The following ZNF385D variants were observed in gnomAD, a reference collection of about 807,000 sequenced individuals.
The protein encoded by ZNF385D is zinc finger protein 385D.
A neutral mutation model predicts 35.8 loss-of-function variants in ZNF385D; 15 were observed. The observed-to-expected ratio is 0.42, with a 90% CI of 0.28 to 0.64. ZNF385D has a LOEUF of 0.64. ZNF385D is among the 30% of genes least tolerant of loss of function. The pLI, the probability that ZNF385D is intolerant of heterozygous loss-of-function variation, is 0.23. For synonymous variants in ZNF385D, 212 were observed against 186.8 expected (o/e 1.13, Z -1.10); for missense variants, 474 against 494.6 (o/e 0.96, Z 0.39).
intron 1 of ZNF385D, among the ~76,000 whole-genome samples, chr3:21,678,219 G>A (rs1382082139): frequency 1.3e-5 from 2 of 152,124 alleles, no homozygotes; most frequent in African/African-American, 4.8e-5. Flanking sequence ...TTAGAATCCA[G>A]TGAGAGGACT....
At chr3:21,916,937 C>T (rs951210146) in intron 3 of ZNF385D, among the ~76,000 whole-genome samples, 11 of 152,138 alleles carry the variant, frequency 7.2e-5, no homozygotes, top group Non-Finnish European at 1.3e-4. Context: ...TGTCGATTAG[C>T]GTTAGCTCCC....
chr3:22,183,753 T>C (rs1695442409), intron 2 of ZNF385D, among the ~76,000 whole-genome samples: 1 of 152,164 alleles, frequency 6.6e-6, no homozygotes. Flanking sequence ...CCCTTTTGAA[T>C]GTTTCTTTAT....
chr3:22,100,399 C>G (rs1344575031), intron 3 of ZNF385D, among the ~76,000 whole-genome samples: 1 of 148,324 alleles, frequency 6.7e-6, no homozygotes, highest in Non-Finnish European at 1.5e-5. Flanking sequence ...TTTATTGCGG[C>G]AGTATTCACA....
intron 2 of ZNF385D, among the ~76,000 whole-genome samples, chr3:22,324,592 C>T (rs1374742679): frequency 6.6e-6 from 1 of 152,048 alleles, no homozygotes; most frequent in African/African-American, 2.4e-5. Flanking sequence ...TTTCAGCATG[C>T]TAAAGATTTC....
At chr3:22,346,128 C>T (rs1438564312) in intron 2 of ZNF385D, among the ~76,000 whole-genome samples, 4 of 152,176 alleles carry the variant, frequency 2.6e-5, no homozygotes, top group Admixed American at 1.3e-4. Context: ...CACTCCCTGA[C>T]ATACATGAAT....
chr3:22,319,902 T>C lies in ZNF385D; in HGVS notation c.106+52548A>G, dbSNP rs151296433. 3.1e-3 allele frequency among the ~76,000 whole-genome samples: 469 copies of C among 152,296 alleles called. 4 individuals are homozygous for C. Among genetic ancestry groups the C allele is most frequent in the African/African-American group, 0.011 (447 of 41,570 alleles). On this transcript the variant is annotated intron_variant, in intron 2 of 5. Coordinates refer to the ZNF385D transcript ENST00000494108. ...TTATGCATTTTCCTTTAAGTGTACCTGTTGCTATGTCCCATAGGTTTTTAT... is the reference window on the plus strand; with the variant it reads ...TTATGCATTTTCCTTTAAGTGTACCCGTTGCTATGTCCCATAGGTTTTTAT...
At chr3:21,993,639 T>C (rs1695284319) in intron 3 of ZNF385D, among the ~76,000 whole-genome samples, 1 of 152,182 alleles carries the variant, frequency 6.6e-6, no homozygotes, top group Non-Finnish European at 1.5e-5. Flanking sequence ...TCTAGTGGAA[T>C]TACTTTTTTC....
chr3:21,606,408 G>A (rs1310563527), intron 2 of ZNF385D, among the ~76,000 whole-genome samples: 1 of 152,030 alleles, frequency 6.6e-6, no homozygotes, highest in East Asian at 1.9e-4. Context: ...TCTTATTAGT[G>A]CCCTGACTGA....
At chr3:22,040,565 T>C (rs1698602987) in intron 3 of ZNF385D, among the ~76,000 whole-genome samples, 1 of 152,174 alleles carries the variant, frequency 6.6e-6, no homozygotes, top group South Asian at 2.1e-4. Flanking sequence ...GAAATAATGA[T>C]AATCACACAT....
At chr3:21,779,020 A>T (rs1346918288) in intron 3 of ZNF385D, among the ~76,000 whole-genome samples, 1 of 152,028 alleles carries the variant, frequency 6.6e-6, no homozygotes. Context: ...TATTCTTCCA[A>T]GAAACTCTCA....
At chr3:21,922,638 C>T (rs1161454347) in intron 3 of ZNF385D, among the ~76,000 whole-genome samples, 3 of 152,110 alleles carry the variant, frequency 2.0e-5, no homozygotes, top group African/African-American at 7.2e-5. Flanking sequence ...AAAGTTATCT[C>T]AAGAAGAACT....
At chr3:22,067,620 G>A (rs566818650) in intron 3 of ZNF385D, among the ~76,000 whole-genome samples, 3 of 152,280 alleles carry the variant, frequency 2.0e-5, no homozygotes, top group African/African-American at 7.2e-5. Flanking sequence ...CACAGCTGAT[G>A]TATGTTATTA....
At chr3:22,313,168 A>G (rs1462890725) in intron 2 of ZNF385D, among the ~76,000 whole-genome samples, 1 of 150,476 alleles carries the variant, frequency 6.6e-6, no homozygotes, top group Admixed American at 6.7e-5. Context: ...CAAACACCAC[A>G]TGTTCTCACT....
chr3:21,842,466 C>G (rs1695741009), intron 3 of ZNF385D, among the ~76,000 whole-genome samples: 1 of 151,938 alleles, frequency 6.6e-6, no homozygotes, highest in African/African-American at 2.4e-5. Flanking sequence ...ATGTGAAAGG[C>G]CAGTGATTGG....
rs756012663 is a variant in ZNF385D at position 21,664,965 on chromosome 3, G to T, written c.86C>A (p.Pro29Gln). ...AAGAAATGGTTTAATATCCAGCGAT[G>T]GTTGCAAAGGAGGGGCTGGTGGACG... The part of the protein sequence containing the change: ...LVRPPAPPLQ[P>Q]SLDIKPFLPF... The change falls in exon 2 of 8, where the codon CCA becomes CAA. Residue 29 changes from proline (P) to glutamine (Q), a missense_variant. Coordinates refer to ENST00000281523, the MANE Select transcript of ZNF385D (RefSeq NM_024697.3). The T allele has an allele frequency of 1.3e-5, 21 of 1,613,562 alleles. No homozygotes were observed. The highest frequency in any genetic ancestry group is 1.2e-4 in the Admixed American group (7 of 59,978).
intron 2 of ZNF385D, among the ~76,000 whole-genome samples, chr3:22,321,197 A>G (rs1481748634): frequency 1.3e-5 from 1 of 75,820 alleles, no homozygotes; most frequent in Non-Finnish European, 2.6e-5. Context: ...ATTTTCTGGC[A>G]TCTCTTTTAT....
intron 3 of ZNF385D, among the ~76,000 whole-genome samples, chr3:22,020,032 T>A (rs1345968792): frequency 6.6e-6 from 1 of 151,768 alleles, no homozygotes; most frequent in African/African-American, 2.4e-5. Context: ...TAAATTAATA[T>A]TATTAACTTT....
At chr3:21,613,573 T>A (rs1441758788) in intron 2 of ZNF385D, among the ~76,000 whole-genome samples, 1 of 152,186 alleles carries the variant, frequency 6.6e-6, no homozygotes, top group East Asian at 1.9e-4. Context: ...CACGTGACAT[T>A]TGGTCAAGAT....
chr3:21,628,711 G>C (rs2065200711), intron 2 of ZNF385D, among the ~76,000 whole-genome samples: 1 of 151,998 alleles, frequency 6.6e-6, no homozygotes. Context: ...ATTCTGGCTT[G>C]GTAAGTCTAG....
Sources: allele counts gnomAD v4.1 joint callset (sites outside exome capture counted in the v4.1 genomes callset), GRCh38; gene constraint gnomAD v4.1.1; transcripts MANE v1.5; gene names NCBI Gene and HGNC (gene_info 2026-07-23, HGNC 2026-07-21).